Variants in CHD9 observed in about 807,000 individuals in gnomAD.
The protein encoded by CHD9 is ATP-dependent chromatin remodeler CHD9.
A neutral mutation model predicts 316.1 loss-of-function variants in CHD9; 77 were observed. The observed-to-expected ratio is 0.24, with a 90% CI of 0.20 to 0.29. The LOEUF (loss-of-function observed/expected upper bound fraction) is 0.29. CHD9 is among the 10% of genes least tolerant of loss of function. CHD9 has a pLI of 1.00. For missense variants in CHD9, 2,763 were observed against 3,438.1 expected, an observed-to-expected ratio of 0.80 and a Z score of 4.91; for synonymous variants, 1,129 against 1,158.3, an observed-to-expected ratio of 0.97 and a Z score of 0.51.
chr16:53,180,081 C>G (rs1234299455), intron 2 of CHD9, among the ~76,000 whole-genome samples: 1 of 144,010 alleles, frequency 6.9e-6, no homozygotes, highest in Non-Finnish European at 1.5e-5. Flanking sequence ...GGCTGGAGTG[C>G]AATGGTGCCA....
intron 2 of CHD9, among the ~76,000 whole-genome samples, chr16:53,200,582 T>C (rs369005464): frequency 6.6e-6 from 1 of 152,030 alleles, no homozygotes; most frequent in Non-Finnish European, 1.5e-5. Context: ...AGAATTCCAA[T>C]TGAAAATGTG....
intron 2 of CHD9, among the ~76,000 whole-genome samples, chr16:53,163,263 T>A (rs540303334): frequency 1.3e-5 from 2 of 152,254 alleles, no homozygotes; most frequent in East Asian, 3.9e-4. Context: ...CAGGCTAAAG[T>A]TCAATGATGT....
chr16:53,263,476 A>G (rs1161163207), intron 20 of CHD9, among the ~76,000 whole-genome samples: 1 of 152,182 alleles, frequency 6.6e-6, no homozygotes, highest in Non-Finnish European at 1.5e-5. Flanking sequence ...AAAAGCAGTC[A>G]AGAAAGTGGC....
At chr16:53,244,656 A>G (rs1459883876) in intron 13 of CHD9, among the ~76,000 whole-genome samples, 1 of 152,192 alleles carries the variant, frequency 6.6e-6, no homozygotes, top group Non-Finnish European at 1.5e-5. Flanking sequence ...ACAAAAGAAA[A>G]AATGCCCTCT....
chr16:53,240,722 G>A (rs1029146392), intron 12 of CHD9, among the ~76,000 whole-genome samples: 4 of 151,998 alleles, frequency 2.6e-5, no homozygotes, highest in Admixed American at 1.3e-4. Context: ...AAAAGTAATG[G>A]AAGTGATAAA....
intron 1 of CHD9, among the ~76,000 whole-genome samples, chr16:53,055,502 CCA>C (rs1491123373): frequency 8.2e-4 from 124 of 151,884 alleles, no homozygotes; most frequent in Admixed American, 1.9e-3. Context: ...CCGCCCCCCC[CCA>C]GAGACTCAGA....
intron 2 of CHD9, among the ~76,000 whole-genome samples, chr16:53,180,111 C>G (rs2043385702): frequency 6.6e-6 from 1 of 150,422 alleles, no homozygotes; most frequent in Admixed American, 6.6e-5. Flanking sequence ...ACTGCAACCT[C>G]CACCTCAGCC....
intron 2 of CHD9, among the ~76,000 whole-genome samples, chr16:53,180,221 G>A (rs1483250755): frequency 1.3e-5 from 2 of 151,940 alleles, no homozygotes; most frequent in African/African-American, 4.8e-5. Context: ...TAGCCAGGCT[G>A]GCCTCGAACT....
intron 2 of CHD9, among the ~76,000 whole-genome samples, chr16:53,207,350 A>G (rs907506607): frequency 6.6e-6 from 1 of 152,240 alleles, no homozygotes; most frequent in African/African-American, 2.4e-5. Flanking sequence ...GTGCAGTTAA[A>G]ATAGAAGGTT....
chr16:53,225,861 A>G (rs2047610654), intron 4 of CHD9, among the ~76,000 whole-genome samples: 1 of 152,042 alleles, frequency 6.6e-6, no homozygotes, highest in South Asian at 2.1e-4. Flanking sequence ...CCCCCAATTA[A>G]TTCTATACCC....
At chr16:53,296,434 A>ATTTTTTTTTTTTTTTTTTTTTTTTTTTTT (rs35618799) in intron 29 of CHD9, among the ~76,000 whole-genome samples, 1 of 101,764 alleles carries the variant, frequency 9.8e-6, no homozygotes, top group Non-Finnish European at 1.8e-5. Context: ...TTAAAAGTAA[A>ATTTTTTTTTTTTTTTTTTTTTTTTTTTTT]TTTTTTTTTT....
chr16:53,175,983 A>G (rs1456084099), intron 2 of CHD9, among the ~76,000 whole-genome samples: 1 of 152,228 alleles, frequency 6.6e-6, no homozygotes, highest in African/African-American at 2.4e-5. Context: ...GCCTTAGAAT[A>G]TGGGGATATT....
At chr16:53,058,982 A>G (rs1357128901) in intron 1 of CHD9, among the ~76,000 whole-genome samples, 1 of 152,280 alleles carries the variant, frequency 6.6e-6, no homozygotes, top group African/African-American at 2.4e-5. Flanking sequence ...CCAGCCAAGT[A>G]GCTGGGGCTA....
At chr16:53,162,521 T>A (rs1386571980) in intron 2 of CHD9, among the ~76,000 whole-genome samples, 2 of 152,204 alleles carry the variant, frequency 1.3e-5, no homozygotes, top group East Asian at 3.9e-4. Context: ...GATCTCTCAA[T>A]GTTTGTAAAT....
chr16:53,300,257 G>A lies in CHD9; in HGVS notation c.5713+3099G>A, dbSNP rs370139014. The stretch of plus-strand genomic sequence containing the variant: ...AATCCCAGCTACTCGGGAGGCTGAG[G>A]CAGGAGAATCGCTTCAACCTGGGAG... On this transcript the variant is annotated intron_variant, in intron 30 of 38. Transcript: ENST00000447540. Among the ~76,000 whole-genome samples the A allele has an allele frequency of 3.8e-3, 571 of 152,200 alleles. 4 individuals are homozygous for A. The highest frequency in any genetic ancestry group is 0.013 in the African/African-American group (537 of 41,514).
At chr16:53,204,989 G>A (rs1234238537) in intron 2 of CHD9, among the ~76,000 whole-genome samples, 1 of 151,928 alleles carries the variant, frequency 6.6e-6, no homozygotes, top group African/African-American at 2.4e-5. Context: ...GATTAGACGT[G>A]CGCCACCATG....
At chr16:53,323,715 A>G (rs971462409) in intron 38 of CHD9, among the ~76,000 whole-genome samples, 1 of 152,184 alleles carries the variant, frequency 6.6e-6, no homozygotes, top group African/African-American at 2.4e-5. Flanking sequence ...GGAAGTACCC[A>G]TGAAAAAATT....
chr16:53,172,465 A>G lies in CHD9; in HGVS notation c.1452+14924A>G, dbSNP rs569232559. 3.9e-5 allele frequency among the ~76,000 whole-genome samples: 6 copies of G among 152,368 alleles called. 1 individual carries two copies. Among genetic ancestry groups the G allele is most frequent in the South Asian group, 2.1e-4 (1 of 4,826 alleles). Reference sequence around the variant, plus strand: ...GATTTCCCGTTTGGGGTTATTATCAATGAAGACACTATGAACATTTTTATG... The same window carrying G: ...GATTTCCCGTTTGGGGTTATTATCAGTGAAGACACTATGAACATTTTTATG... On this transcript the variant is annotated intron_variant, in intron 2 of 38. Coordinates refer to ENST00000447540, the MANE Select transcript of CHD9 (RefSeq NM_001308319.2).
intron 38 of CHD9, among the ~76,000 whole-genome samples, chr16:53,322,783 T>C (rs2057361382): frequency 6.6e-6 from 1 of 152,156 alleles, no homozygotes; most frequent in Non-Finnish European, 1.5e-5. Flanking sequence ...TTCGCTGTGA[T>C]TCTATTTTTT....
Sources: allele counts gnomAD v4.1 joint callset (sites outside exome capture counted in the v4.1 genomes callset), GRCh38; gene constraint gnomAD v4.1.1; transcripts MANE v1.5; gene names NCBI Gene and HGNC (gene_info 2026-07-23, HGNC 2026-07-21).